PKD2: variants seen among roughly 807,000 people sequenced by gnomAD.
The protein encoded by PKD2 is polycystin-2.
In PKD2, 48 loss-of-function variants were observed where a neutral mutation model predicts 105.9. The ratio of observed to expected loss-of-function variants is 0.45; its 90% CI spans 0.36 to 0.58. The LOEUF (loss-of-function observed/expected upper bound fraction) is 0.58. Ranked by LOEUF, PKD2 falls within the 20% of genes least tolerant of loss-of-function variation. PKD2 has a pLI of 0.00. For missense variants in PKD2, 1,078 were observed against 1,255.3 expected (o/e 0.86, Z 2.13); for synonymous variants, 464 against 481.1 (o/e 0.96, Z 0.46).
At chr4:88,015,320 G>T (rs7660631) in intron 1 of PKD2, among the ~76,000 whole-genome samples, 3 of 152,094 alleles carry the variant, frequency 2.0e-5, no homozygotes, top group Non-Finnish European at 4.4e-5. Context: ...ACTAGGATTG[G>T]CATTGAGTTG....
intron 1 of PKD2, among the ~76,000 whole-genome samples, chr4:88,016,570 C>A (rs1018546506): frequency 1.3e-5 from 2 of 151,988 alleles, no homozygotes; most frequent in African/African-American, 4.8e-5. Context: ...GTCCCTGTAC[C>A]CTAAGATTGG....
intron 2 of PKD2, among the ~76,000 whole-genome samples, chr4:88,028,023 G>T (rs2467052): frequency 0.55 from 83,646 of 152,040 alleles, 24,378 homozygotes; most frequent in African/African-American, 0.73. Context: ...CAGAAAGTGT[G>T]TAACTTTAAA....
rs750077647 is a variant in PKD2, at chr4:88,008,021, C to CGAG, written c.305_307dup (p.Glu102dup). 1,694 of 1,516,764 alleles carry CGAG rather than the reference C, an allele frequency of 1.1e-3. 11 individuals are homozygous for CGAG. The African/African-American group carries it at 0.015, about 14-fold the overall frequency. 94.0% of individuals were successfully genotyped at this position (1,516,764 alleles called of 1,614,324 possible). ...GCCGCGATAACCCCGGCTTCGAGGC[C>CGAG]GAGGAGGAGGAGGAGGAGGTGGAAG... is the stretch of plus-strand genomic sequence containing the variant. On this transcript the variant is annotated inframe_insertion, in exon 1 of 15. Transcript: ENST00000237596.
At chr4:88,010,495 C>A (rs895243609) in intron 1 of PKD2, among the ~76,000 whole-genome samples, 3 of 152,168 alleles carry the variant, frequency 2.0e-5, no homozygotes, top group African/African-American at 7.2e-5. Context: ...GGTTGAGATT[C>A]CCCCTGCCCC....
chr4:88,012,963 A>G (rs751108400), intron 1 of PKD2, among the ~76,000 whole-genome samples: 4 of 152,126 alleles, frequency 2.6e-5, no homozygotes, highest in Non-Finnish European at 5.9e-5. Flanking sequence ...ATGAAATACT[A>G]TTTCATCATA....
At chr4:88,017,150 C>T (rs1186107421) in intron 1 of PKD2, among the ~76,000 whole-genome samples, 2 of 152,012 alleles carry the variant, frequency 1.3e-5, no homozygotes, top group East Asian at 3.9e-4. Flanking sequence ...GTATTGAGAC[C>T]TCATCTCTGC....
intron 13 of PKD2, among the ~76,000 whole-genome samples, chr4:88,073,559 G>A (rs1402803674): frequency 6.6e-6 from 1 of 151,938 alleles, no homozygotes; most frequent in Non-Finnish European, 1.5e-5. Flanking sequence ...GTTAGGATGA[G>A]AAATGCTGGC....
At position 88,019,442 on chromosome 4, in the gene PKD2, C is replaced by A; in HGVS notation, c.596-16C>A. The A allele has an allele frequency of 8.2e-7, 1 of 1,220,214 alleles. No homozygotes were observed. The highest frequency in any genetic ancestry group is 1.2e-6 in the Non-Finnish European group (1 of 822,980). The allele number at this position is 1,220,214 out of a possible 1,614,324, so 75.6% of individuals were successfully genotyped here. A position where few individuals can be genotyped will look rare whatever the true frequency, so the allele number is the denominator to read the frequency against. ...ATAAAATGATATCTTTTCTTTTCTT[C>A]ATTATTATTTTAAAGGTCTCTGGGG... On this transcript the variant is annotated splice_polypyrimidine_tract_variant and intron_variant, in intron 1 of 14. Coordinates refer to ENST00000237596, the MANE Select transcript of PKD2 (RefSeq NM_000297.4).
chr4:88,071,904 G>T (rs1167089049), intron 13 of PKD2, among the ~76,000 whole-genome samples: 1 of 151,328 alleles, frequency 6.6e-6, no homozygotes, highest in Non-Finnish European at 1.5e-5. Flanking sequence ...AATGCCTTGG[G>T]ATGTAATTTG....
chr4:88,068,019 G>A lies in PKD2; in HGVS notation c.2480G>A (p.Arg827Lys), dbSNP rs540108826. ...GATAGCGGACATAGCTCCAGAAGGAGGGGAAGCATTTCTAGTGGCGTTTCT... is the reference window on the plus strand; with the variant it reads ...GATAGCGGACATAGCTCCAGAAGGAAGGGAAGCATTTCTAGTGGCGTTTCT... Reference protein sequence around the residue: ...DEDSGHSSRRRGSISSGVSYE... With the variant: ...DEDSGHSSRRKGSISSGVSYE... Residue 827 changes from arginine (R) to lysine (K), a missense_variant, in exon 13 of 15, where the codon AGG becomes AAG. Physicochemically the swap from Arg to Lys is conservative, Grantham distance 26. This residue lies in a region of PKD2 where 868 missense variants were observed against 1,067.3 expected (regional missense o/e 0.81). Transcript: ENST00000237596. 175 of 1,614,112 alleles carry A rather than the reference G, an allele frequency of 1.1e-4. 2 individuals are homozygous for A. In the South Asian group the frequency reaches 1.9e-3, roughly 17 times the overall value.
intron 9 of PKD2, among the ~76,000 whole-genome samples, chr4:88,059,784 G>C (rs772198729): frequency 6.1e-5 from 8 of 131,116 alleles, no homozygotes; most frequent in African/African-American, 9.2e-5. Context: ...TACATACATA[G>C]ACACATACAT....
At position 88,077,455 on chromosome 4, in the gene PKD2, T is replaced by C. The variant is rs1355378091; in HGVS notation, c.*1761T>C. The C allele has an allele frequency of 6.6e-6, 1 of 152,670 alleles. No individual in the cohort carries two copies. The highest frequency in any genetic ancestry group is 1.5e-5 in the Non-Finnish European group (1 of 68,040). The allele number at this position is 152,670 out of a possible 1,614,324, so 9.5% of individuals were successfully genotyped here. ...AAACTTCAATTTGAAGTGCAGCTATTATGTGGTATCCATGTGTATCGACCA... is the reference window on the plus strand; with the variant it reads ...AAACTTCAATTTGAAGTGCAGCTATCATGTGGTATCCATGTGTATCGACCA... On this transcript the variant is annotated 3_prime_UTR_variant, in exon 15 of 15. Coordinates refer to ENST00000237596, the MANE Select transcript of PKD2 (RefSeq NM_000297.4).
intron 13 of PKD2, among the ~76,000 whole-genome samples, chr4:88,071,380 TTTA>T (rs1400372752): frequency 6.6e-6 from 1 of 152,114 alleles, no homozygotes; most frequent in African/African-American, 2.4e-5. Context: ...GGTGGGGTTT[TTTA>T]TTATTTGTTT....
intron 2 of PKD2, among the ~76,000 whole-genome samples, chr4:88,025,501 C>T (rs1161644900): frequency 6.6e-6 from 1 of 151,378 alleles, no homozygotes; most frequent in Non-Finnish European, 1.5e-5. Context: ...GTAGTCCCAG[C>T]TACTCAGGAG....
chr4:88,055,480 G>C (rs1720290149), intron 7 of PKD2, among the ~76,000 whole-genome samples: 1 of 151,938 alleles, frequency 6.6e-6, no homozygotes. Context: ...GAAACCACAG[G>C]TGTGTGCCAC....
intron 2 of PKD2, among the ~76,000 whole-genome samples, chr4:88,022,360 G>T (rs1726784077): frequency 6.6e-6 from 1 of 152,118 alleles, no homozygotes; most frequent in African/African-American, 2.4e-5. Flanking sequence ...AAAAAGATTG[G>T]TCTAAGAACA....
intron 9 of PKD2, among the ~76,000 whole-genome samples, chr4:88,058,374 T>C (rs1255845803): frequency 6.6e-6 from 1 of 152,198 alleles, no homozygotes; most frequent in African/African-American, 2.4e-5. Flanking sequence ...TTCATTTCTC[T>C]CTCTATATAT....
At chr4:88,014,244 A>G (rs1217202170) in intron 1 of PKD2, among the ~76,000 whole-genome samples, 1 of 152,260 alleles carries the variant, frequency 6.6e-6, no homozygotes, top group African/African-American at 2.4e-5. Context: ...TTCCAGAGAA[A>G]GAAAAGCAAA....
intron 6 of PKD2, among the ~76,000 whole-genome samples, chr4:88,047,875 C>T (rs1727834519): frequency 6.6e-6 from 1 of 152,216 alleles, no homozygotes. Context: ...GAGTCATAAT[C>T]AAGACCATGA....
Sources: gnomAD v4.1 joint callset for allele counts (sites outside exome capture counted in the v4.1 genomes callset) on GRCh38, gnomAD v4.1.1 for gene constraint, gnomAD v4.1.1 regional missense constraint, MANE v1.5 for transcripts, NCBI Gene and HGNC (gene_info 2026-07-23, HGNC 2026-07-21) for gene names.